The following ST7 variants were observed in gnomAD, a reference collection of about 807,000 sequenced individuals.
ST7 encodes suppression of tumorigenicity 7.
Under a neutral mutation model 78.7 loss-of-function variants are expected in ST7, and 28 were observed. The observed-to-expected ratio is 0.36, with a 90% CI of 0.26 to 0.49. The LOEUF (loss-of-function observed/expected upper bound fraction) is 0.49, where lower values mean the gene tolerates loss of function less well. ST7 is among the 20% of genes least tolerant of loss of function. The pLI is 0.99. For missense variants in ST7, 418 were observed against 696.0 expected, an observed-to-expected ratio of 0.60 and a Z score of 4.49; for synonymous variants, 247 against 249.6, an observed-to-expected ratio of 0.99 and a Z score of 0.10.
intron 1 of ST7, among the ~76,000 whole-genome samples, chr7:117,032,469 C>T (rs963054482): frequency 6.6e-6 from 1 of 152,080 alleles, no homozygotes; most frequent in African/African-American, 2.4e-5. Flanking sequence ...AGTTATCGAC[C>T]TTTTTGAGAC....
intron 12 of ST7, among the ~76,000 whole-genome samples, chr7:117,194,357 C>T (rs758928491): frequency 6.6e-6 from 1 of 152,210 alleles, no homozygotes; most frequent in Non-Finnish European, 1.5e-5. Flanking sequence ...ATTCCAGAAA[C>T]ATTCTCTTTC....
chr7:117,222,194 A>G, intron 15 of ST7, 132 bp downstream of exon 15: 1 of 1,059,658 alleles, frequency 9.4e-7, no homozygotes, highest in African/African-American at 1.6e-5. Flanking sequence ...TCACCATTTA[A>G]TTTTCATGAT....
At chr7:116,966,091 C>A in intron 1 of ST7, 2 of 465,876 alleles carry the variant, frequency 4.3e-6, no homozygotes, top group South Asian at 3.1e-5. Flanking sequence ...ATATAAGGTC[C>A]ATTTTAACAT....
In ST7 at chr7:117,174,920, T is replaced by G. The variant is rs948714502; in HGVS notation, c.1078+3944T>G. Among the ~76,000 whole-genome samples the G allele has an allele frequency of 3.3e-5, 5 of 152,334 alleles. No individual in the cohort carries two copies. The East Asian group carries it at 7.7e-4, about 24-fold the overall frequency. ...CTAAATCCCATGTGTTTTGCATAAA[T>G]GTAAGCCTCCCAAAAGTGATGTGCT... On this transcript the variant is annotated intron_variant, in intron 10 of 15. Coordinates refer to ENST00000323984, the MANE Select transcript of ST7 (RefSeq NM_001369598.1).
At chr7:117,039,531 A>G (rs955204442) in intron 1 of ST7, among the ~76,000 whole-genome samples, 2 of 151,932 alleles carry the variant, frequency 1.3e-5, no homozygotes, top group Non-Finnish European at 1.5e-5. Flanking sequence ...CCCTGATGGC[A>G]TCACTGAACT....
intron 1 of ST7, among the ~76,000 whole-genome samples, chr7:116,995,453 C>T (rs1794610729): frequency 6.6e-6 from 1 of 152,142 alleles, no homozygotes; most frequent in Admixed American, 6.5e-5. Flanking sequence ...AGAATAAACT[C>T]TTCATGGTGA....
chr7:117,070,880 A>C (rs1798908650), intron 1 of ST7, among the ~76,000 whole-genome samples: 1 of 152,112 alleles, frequency 6.6e-6, no homozygotes, highest in Admixed American at 6.5e-5. Context: ...TTGTACACTT[A>C]GAAATGATTA....
At chr7:117,200,616 G>A (rs901830265) in intron 12 of ST7, among the ~76,000 whole-genome samples, 8 of 152,108 alleles carry the variant, frequency 5.3e-5, no homozygotes, top group Non-Finnish European at 1.0e-4. Context: ...AGAGGGTACC[G>A]AGGGGAGGAG....
chr7:117,115,577 C>G (rs1248401578), intron 2 of ST7, among the ~76,000 whole-genome samples: 1 of 152,096 alleles, frequency 6.6e-6, no homozygotes, highest in Non-Finnish European at 1.5e-5. Context: ...TGGTCTCGAA[C>G]TCCTGACCTC....
At chr7:117,191,018 A>T in intron 12 of ST7, 82 bp downstream of exon 12, 1 of 1,100,516 alleles carries the variant, frequency 9.1e-7, no homozygotes, top group Non-Finnish European at 1.4e-6. Context: ...TCTCAAGTAC[A>T]CCGCTTATAA....
chr7:117,206,177 T>C (rs1409006269), intron 12 of ST7, among the ~76,000 whole-genome samples: 1 of 152,212 alleles, frequency 6.6e-6, no homozygotes, highest in Non-Finnish European at 1.5e-5. Flanking sequence ...TCTTTTATAG[T>C]CATAGCCGAT....
intron 1 of ST7, among the ~76,000 whole-genome samples, chr7:116,983,259 A>G (rs1310100742): frequency 6.6e-6 from 1 of 152,160 alleles, no homozygotes; most frequent in Non-Finnish European, 1.5e-5. Context: ...GTTCATATTG[A>G]TATCGCAGAT....
chr7:116,972,710 C>T lies in ST7; in HGVS notation c.151+19019C>T. The T allele has an allele frequency of 8.6e-6, 8 of 928,046 alleles. No homozygotes were observed. In the South Asian group the frequency reaches 9.1e-5, roughly 11 times the overall value. 57.5% of individuals were successfully genotyped at this position (928,046 alleles called of 1,614,324 possible). A position where few individuals can be genotyped will look rare whatever the true frequency, so the allele number is the denominator to read the frequency against. ...TTTTGCAGGGCAGTGGCTGGGCGCT[C>T]CTGAGCACAGTCCAGCTTCTCATGA... On this transcript the variant is annotated intron_variant, in intron 1 of 15. Transcript: ENST00000323984.
intron 9 of ST7, among the ~76,000 whole-genome samples, chr7:117,159,424 A>C (rs1374700731): frequency 6.6e-6 from 1 of 152,232 alleles, no homozygotes; most frequent in Non-Finnish European, 1.5e-5. Context: ...GAGCTGTAAT[A>C]TTTGGGCAAA....
chr7:117,010,517 A>G (rs900726170), intron 1 of ST7, among the ~76,000 whole-genome samples: 1 of 152,212 alleles, frequency 6.6e-6, no homozygotes, highest in Non-Finnish European at 1.5e-5. Context: ...GTGGGTGGTA[A>G]GAGGCCTGGG....
intron 13 of ST7, among the ~76,000 whole-genome samples, chr7:117,215,550 G>C (rs1247174498): frequency 6.6e-6 from 1 of 152,178 alleles, no homozygotes; most frequent in African/African-American, 2.4e-5. Flanking sequence ...AGCCTTTTGA[G>C]GCCTGTGGTA....
At chr7:117,018,385 G>C (rs1322607696) in intron 1 of ST7, among the ~76,000 whole-genome samples, 1 of 151,880 alleles carries the variant, frequency 6.6e-6, no homozygotes, top group Admixed American at 6.6e-5. Context: ...ATTCCCCCTT[G>C]GTTGTCGATG....
At chr7:117,200,742 C>G (rs184107524) in intron 12 of ST7, among the ~76,000 whole-genome samples, 1 of 150,028 alleles carries the variant, frequency 6.7e-6, no homozygotes. Context: ...TCTGGGAGTG[C>G]GGGAAGTCAA....
At chr7:116,993,859 G>A (rs528166836) in intron 1 of ST7, among the ~76,000 whole-genome samples, 1 of 152,318 alleles carries the variant, frequency 6.6e-6, no homozygotes, top group East Asian at 1.9e-4. Flanking sequence ...GGAATCAGTA[G>A]TGTACTTTGA....
Sources: gnomAD v4.1 joint callset for allele counts (sites outside exome capture counted in the v4.1 genomes callset) on GRCh38, gnomAD v4.1.1 for gene constraint, MANE v1.5 for transcripts, NCBI Gene and HGNC (gene_info 2026-07-23, HGNC 2026-07-21) for gene names.